The following ZNF805 variants were observed in gnomAD, a reference collection of about 807,000 sequenced individuals.
The protein encoded by ZNF805 is zinc finger protein 805.
In ZNF805, 7 loss-of-function variants were observed where a neutral mutation model predicts 13.6. The observed-to-expected ratio is 0.51, with a 90% CI of 0.29 to 0.97. ZNF805 has a LOEUF of 0.97. ZNF805 is among the 50% of genes least tolerant of loss of function. The probability of loss-of-function intolerance (pLI) is 0.08; values close to 1 mark genes in which losing one functional copy is unlikely to be tolerated. For synonymous variants in ZNF805, 293 were observed against 279.8 expected, an observed-to-expected ratio of 1.05 and a Z score of -0.47; for missense variants, 604 against 771.0, an observed-to-expected ratio of 0.78 and a Z score of 2.57.
chr19:57,252,190 A>G (rs942327053), intron 3 of ZNF805, among the ~76,000 whole-genome samples: 2 of 152,104 alleles, frequency 1.3e-5, no homozygotes, highest in Admixed American at 6.5e-5. Flanking sequence ...GACAAGTGGG[A>G]CTTACTTCAC....
chr19:57,248,939 C>T (rs1378180594), intron 3 of ZNF805, among the ~76,000 whole-genome samples: 1 of 152,112 alleles, frequency 6.6e-6, no homozygotes, highest in African/African-American at 2.4e-5. Flanking sequence ...CCTTGTGTGC[C>T]GGAACCCTGG....
intron 3 of ZNF805, among the ~76,000 whole-genome samples, chr19:57,251,316 G>A (rs776187666): frequency 1.3e-5 from 2 of 152,012 alleles, no homozygotes; most frequent in Non-Finnish European, 2.9e-5. Context: ...AATTTTTGCC[G>A]ATTAAATGGA....
chr19:57,246,864 A>G (rs1254625384), intron 2 of ZNF805, among the ~76,000 whole-genome samples: 1 of 152,038 alleles, frequency 6.6e-6, no homozygotes, highest in East Asian at 1.9e-4. Flanking sequence ...GGCAGTGTTC[A>G]TGCTCCATTT....
rs767624620 is a variant in ZNF805 at position 57,253,832 on chromosome 19, G to A, written c.1013G>A (p.Ser338Asn). The A allele has an allele frequency of 6.2e-7, 1 of 1,613,882 alleles. No individual in the cohort carries two copies. The highest frequency in any genetic ancestry group is 8.5e-7 in the Non-Finnish European group (1 of 1,180,008). ...TTCATTCGACACTACATCATCCACA[G>A]TGGTGAGAATCCCTACGAGTGCTTC... ...PGFIRHYIIH[S>N]GENPYECFEC... Residue 338 changes from serine to asparagine, a missense_variant, in exon 4 of 4, where the codon AGT becomes AAT. By Grantham distance (46) the Ser-to-Asn change is conservative. Coordinates refer to ENST00000414468, the MANE Select transcript of ZNF805 (RefSeq NM_001023563.4). This position sits in a 1 kb window ranked among gnomAD's most constrained non-coding sequence, Gnocchi z 4.4.
At chr19:57,252,974 G>T in intron 3 of ZNF805, 99 bp from the exon 4 acceptor site, 1 of 1,084,180 alleles carries the variant, frequency 9.2e-7, no homozygotes. Context: ...AGACATAAAG[G>T]CACCATTTAT....
intron 3 of ZNF805, among the ~76,000 whole-genome samples, chr19:57,250,388 A>ACGCCTTGTGCCTCTGGT (rs2087644432): frequency 6.6e-6 from 1 of 152,048 alleles, no homozygotes; most frequent in Admixed American, 6.5e-5. Context: ...ATGCACCACC[A>ACGCCTTGTGCCTCTGGT]CATCCGGCTA....
At chr19:57,245,916 A>G (rs2087615248) in intron 2 of ZNF805, among the ~76,000 whole-genome samples, 2 of 152,142 alleles carry the variant, frequency 1.3e-5, no homozygotes, top group Non-Finnish European at 2.9e-5. Flanking sequence ...CCTGGACCTA[A>G]ATGTCAATTG....
At chr19:57,242,595 C>T (rs1368812363) in intron 1 of ZNF805, among the ~76,000 whole-genome samples, 4 of 152,192 alleles carry the variant, frequency 2.6e-5, no homozygotes, top group Non-Finnish European at 5.9e-5. Flanking sequence ...CTTAGGGATA[C>T]CTGCTGGCAG....
rs1374471997 is a variant in ZNF805, at chr19:57,259,265, C to G, written c.*4562C>G. ...TTTTTTCATCCCTACTCTTTCTCCT[C>G]TCTGTGATATGAATGGTAGAGCTTT... On this transcript the variant is annotated 3_prime_UTR_variant, in exon 4 of 4. Coordinates refer to ENST00000414468, the MANE Select transcript of ZNF805 (RefSeq NM_001023563.4). Among the ~76,000 whole-genome samples, 1 of 152,058 alleles carries G rather than the reference C, an allele frequency of 6.6e-6. No homozygotes were observed. Among genetic ancestry groups the G allele is most frequent in the African/African-American group, 2.4e-5 (1 of 41,416 alleles).
rs1432521009 is a variant in ZNF805 at position 57,258,939 on chromosome 19, A to T, written c.*4236A>T. ...AGGGATATTTTTGTGGGATAATAGG[A>T]TTTAGGGTCTGCAGTTCTTTTAGTA... On this transcript the variant is annotated 3_prime_UTR_variant, in exon 4 of 4. Transcript: ENST00000414468. 6.6e-6 allele frequency among the ~76,000 whole-genome samples: 1 copy of T among 152,028 alleles called. No individual in the cohort carries two copies. The highest frequency in any genetic ancestry group is 1.9e-4 in the East Asian group (1 of 5,188).
In ZNF805 at chr19:57,254,784, A is replaced by G; in HGVS notation, c.*81A>G. ...CACGCAGCTTAGAGCCTTATTCTCC[A>G]TCCGAATTCATCCTGGAAAAACACC... On this transcript the variant is annotated 3_prime_UTR_variant, in exon 4 of 4. Coordinates refer to ENST00000414468, the MANE Select transcript of ZNF805 (RefSeq NM_001023563.4). The G allele has an allele frequency of 1.4e-6, 2 of 1,390,416 alleles. No homozygotes were observed. Among genetic ancestry groups the G allele is most frequent in the Non-Finnish European group, 1.9e-6 (2 of 1,032,006 alleles). The allele number at this position is 1,390,416 out of a possible 1,614,324, so 86.1% of individuals were successfully genotyped here.
intron 1 of ZNF805, among the ~76,000 whole-genome samples, chr19:57,241,356 T>C (rs1160900179): frequency 6.6e-6 from 1 of 151,980 alleles, no homozygotes; most frequent in Non-Finnish European, 1.5e-5. Flanking sequence ...TGCCTCCGCC[T>C]CCAAAAGAGG....
At chr19:57,252,636 T>C (rs1263078945) in intron 3 of ZNF805, among the ~76,000 whole-genome samples, 2 of 152,218 alleles carry the variant, frequency 1.3e-5, no homozygotes, top group Non-Finnish European at 2.9e-5. Flanking sequence ...ATTGCCCACA[T>C]TGCCATGTGA....
chr19:57,241,945 C>T (rs1321796472), intron 1 of ZNF805, among the ~76,000 whole-genome samples: 1 of 152,222 alleles, frequency 6.6e-6, no homozygotes. Context: ...AAGTTTTAGA[C>T]ACCTACTGAG....
In ZNF805 at chr19:57,242,969, C is replaced by G. The variant is rs112646396; in HGVS notation, c.31-954C>G. 3.3e-3 allele frequency among the ~76,000 whole-genome samples: 502 copies of G among 152,182 alleles called. 3 individuals are homozygous for G. Among genetic ancestry groups the G allele is most frequent in the African/African-American group, 0.012 (482 of 41,524 alleles). ...GAACTTGGTGCTCACACCTGTAGCC[C>G]CAGTGCTGTGGGAGGCTGAGGTGAG... On this transcript the variant is annotated intron_variant, in intron 1 of 3. Coordinates refer to ENST00000414468, the MANE Select transcript of ZNF805 (RefSeq NM_001023563.4).
intron 1 of ZNF805, 93 bp downstream of exon 1, chr19:57,241,014 C>T: frequency 1.4e-6 from 2 of 1,390,642 alleles, no homozygotes; most frequent in Non-Finnish European, 2.0e-6. Context: ...CAGGATTCCT[C>T]TTTGTAGTTT....
At chr19:57,246,887 T>G (rs776865905) in intron 2 of ZNF805, among the ~76,000 whole-genome samples, 2 of 152,098 alleles carry the variant, frequency 1.3e-5, no homozygotes, top group Non-Finnish European at 2.9e-5. Context: ...TCTCACAGGA[T>G]CCCTGTCCTC....
chr19:57,260,582 G>A lies in ZNF805; in HGVS notation c.*5879G>A, dbSNP rs1036413342. Among the ~76,000 whole-genome samples, 7 of 152,252 alleles carry A rather than the reference G, an allele frequency of 4.6e-5. No individual in the cohort carries two copies. The South Asian group carries it at 1.2e-3, about 27-fold the overall frequency. On this transcript the variant is annotated 3_prime_UTR_variant, in exon 4 of 4. Coordinates refer to ENST00000414468, the MANE Select transcript of ZNF805 (RefSeq NM_001023563.4). The stretch of plus-strand genomic sequence containing the variant: ...CTGGCTTTTTTCCTTTTTAGGGTCT[G>A]TGTCTTTCTTCCATCTGTAAAACAG...
intron 2 of ZNF805, among the ~76,000 whole-genome samples, chr19:57,247,079 T>C (rs1196167572): frequency 2.0e-5 from 3 of 151,508 alleles, no homozygotes; most frequent in Non-Finnish European, 4.4e-5. Flanking sequence ...TCTCCCAGAC[T>C]GGAGTGCAGT....
Sources: allele counts gnomAD v4.1 joint callset (sites outside exome capture counted in the v4.1 genomes callset), GRCh38; gene constraint gnomAD v4.1.1; non-coding constraint Gnocchi (gnomAD v3.1); transcripts MANE v1.5; gene names NCBI Gene and HGNC (gene_info 2026-07-23, HGNC 2026-07-21).